Variants in TMEM168 observed in about 807,000 individuals in gnomAD.
The protein encoded by TMEM168 is transmembrane protein 168.
In TMEM168, 40 loss-of-function variants were observed where a neutral mutation model predicts 53.2. The ratio of observed to expected loss-of-function variants is 0.75; its 90% CI spans 0.58 to 0.98. The LOEUF is 0.98. Ranked by LOEUF, TMEM168 falls within the 50% of genes least tolerant of loss-of-function variation. The pLI is 0.00. For missense variants in TMEM168, 771 were observed against 828.8 expected, an observed-to-expected ratio of 0.93 and a Z score of 0.86; for synonymous variants, 282 against 293.0, an observed-to-expected ratio of 0.96 and a Z score of 0.38.
rs931504002 is a variant in TMEM168, at chr7:112,765,385, A to G, written c.*1812T>C. Reference sequence around the variant, plus strand: ...GTACCACCTTAATACTACCTTATAAAGAATGCAGAATATACTTTTGTATTT... The same window carrying G: ...GTACCACCTTAATACTACCTTATAAGGAATGCAGAATATACTTTTGTATTT... On this transcript the variant is annotated 3_prime_UTR_variant, in exon 5 of 5. Transcript: ENST00000312814. 1 of 152,206 alleles carries G rather than the reference A, an allele frequency of 6.6e-6. No individual in the cohort carries two copies. Among genetic ancestry groups the G allele is most frequent in the Non-Finnish European group, 1.5e-5 (1 of 68,024 alleles). The allele number at this position is 152,206 out of a possible 1,614,324, so 9.4% of individuals were successfully genotyped here.
intron 3 of TMEM168, 36 bp from the exon 4 acceptor site, chr7:112,773,091 A>G (rs1259247152): frequency 1.9e-6 from 3 of 1,547,660 alleles, no homozygotes; most frequent in Non-Finnish European, 1.8e-6. Context: ...TACTCATTCT[A>G]TATCACATTC....
chr7:112,775,672 C>T (rs1793063108), intron 2 of TMEM168, among the ~76,000 whole-genome samples: 1 of 151,150 alleles, frequency 6.6e-6, no homozygotes, highest in Non-Finnish European at 1.5e-5. Context: ...AAACAAATAT[C>T]TTGTTAAAAC....
intron 1 of TMEM168, among the ~76,000 whole-genome samples, chr7:112,786,028 C>T (rs764536925): frequency 3.3e-5 from 5 of 152,106 alleles, no homozygotes; most frequent in Admixed American, 1.3e-4. Context: ...GCCAACATGA[C>T]AAAACCCTGT....
At chr7:112,787,074 A>C (rs1793402375) in intron 1 of TMEM168, among the ~76,000 whole-genome samples, 2 of 152,216 alleles carry the variant, frequency 1.3e-5, no homozygotes, top group African/African-American at 4.8e-5. Flanking sequence ...CTCTCTCTGC[A>C]AACTCTCACT....
At chr7:112,785,514 T>G (rs886782614) in intron 1 of TMEM168, among the ~76,000 whole-genome samples, 3 of 152,236 alleles carry the variant, frequency 2.0e-5, no homozygotes, top group Non-Finnish European at 4.4e-5. Context: ...TTAAAGTTAC[T>G]CAGTCCCTAA....
intron 2 of TMEM168, among the ~76,000 whole-genome samples, chr7:112,779,377 G>C (rs1246996833): frequency 1.3e-5 from 2 of 152,170 alleles, no homozygotes; most frequent in Non-Finnish European, 2.9e-5. Context: ...ATGTCCAGGG[G>C]AAGCCAAAAT....
chr7:112,779,851 T>G (rs1034655253), intron 2 of TMEM168, among the ~76,000 whole-genome samples: 1 of 152,224 alleles, frequency 6.6e-6, no homozygotes, highest in Non-Finnish European at 1.5e-5. Flanking sequence ...ATATACGGCT[T>G]GTTTGTTTAG....
chr7:112,787,499 C>CT (rs1269870687), intron 1 of TMEM168, among the ~76,000 whole-genome samples: 1 of 152,128 alleles, frequency 6.6e-6, no homozygotes, highest in African/African-American at 2.4e-5. Flanking sequence ...CCTGCAACCT[C>CT]TGACTATCGG....
In TMEM168 at chr7:112,763,538, G is replaced by A. The variant is rs777686814; in HGVS notation, c.*3659C>T. 3.3e-5 allele frequency: 5 copies of A among 152,024 alleles called. No homozygotes were observed. The highest frequency in any genetic ancestry group is 7.4e-5 in the Non-Finnish European group (5 of 67,988). 9.4% of individuals were successfully genotyped at this position (152,024 alleles called of 1,614,324 possible). Reference sequence around the variant, plus strand: ...ATAGTTTCCAATACAGGAGACATTCGAAAGTACTGACAGATCTAACTCCTT... The same window carrying A: ...ATAGTTTCCAATACAGGAGACATTCAAAAGTACTGACAGATCTAACTCCTT... On this transcript the variant is annotated 3_prime_UTR_variant, in exon 5 of 5. Coordinates refer to ENST00000312814, the MANE Select transcript of TMEM168 (RefSeq NM_022484.6).
intron 2 of TMEM168, 42 bp from the exon 3 acceptor site, chr7:112,775,360 ATGTG>A: frequency 1.3e-6 from 2 of 1,534,754 alleles, no homozygotes; most frequent in Non-Finnish European, 1.8e-6. Flanking sequence ...ACATGTACAT[ATGTG>A]TATATATTTA....
intron 2 of TMEM168, among the ~76,000 whole-genome samples, chr7:112,776,345 A>G (rs1036258407): frequency 6.6e-6 from 1 of 151,478 alleles, no homozygotes; most frequent in Non-Finnish European, 1.5e-5. Context: ...GAAAAAGCAG[A>G]AAAAATTAAG....
At chr7:112,774,359 ATTTTTT>A (rs558123531) in intron 3 of TMEM168, among the ~76,000 whole-genome samples, 1 of 94,254 alleles carries the variant, frequency 1.1e-5, no homozygotes, top group Non-Finnish European at 2.2e-5. Flanking sequence ...GTGTTTTTAC[ATTTTTT>A]TTTTTTTTTT....
chr7:112,766,938 C>G lies in TMEM168; in HGVS notation c.*259G>C, dbSNP rs1214843913. 9.5e-6 allele frequency: 4 copies of G among 421,882 alleles called. No individual in the cohort carries two copies. The highest frequency in any genetic ancestry group is 1.7e-5 in the Non-Finnish European group (4 of 237,108). 26.1% of individuals were successfully genotyped at this position (421,882 alleles called of 1,614,324 possible). On this transcript the variant is annotated 3_prime_UTR_variant, in exon 5 of 5. Transcript: ENST00000312814. ...CTTTCTAATCAGGACCATAAGCAAA[C>G]ATTCCTGAAAGTGCAGTGTTATTTT...
rs776588881 is a variant in TMEM168 at position 112,784,737 on chromosome 7, T to C, written c.89A>G (p.His30Arg). The change falls in exon 2 of 5, where the codon CAT (histidine) becomes CGT (arginine). Residue 30 changes from histidine (H) to arginine (R), a missense_variant. Coordinates refer to ENST00000312814, the MANE Select transcript of TMEM168 (RefSeq NM_022484.6). ...ATAGCCAAGATACCGCACTGAAGAA[T>C]GCATGTTCACTTCTCTATTTACTTC... is the stretch of plus-strand genomic sequence containing the variant. Reference protein sequence around the residue: ...LEEVNREVNMHSSVRYLGYLA... With the variant: ...LEEVNREVNMRSSVRYLGYLA... 1.2e-6 allele frequency: 2 copies of C among 1,613,762 alleles called. No homozygotes were observed. Among genetic ancestry groups the C allele is most frequent in the Non-Finnish European group, 1.7e-6 (2 of 1,179,944 alleles).
intron 3 of TMEM168, 106 bp downstream of exon 3, chr7:112,775,070 T>C (rs1793039493): frequency 2.1e-6 from 2 of 950,052 alleles, no homozygotes; most frequent in Non-Finnish European, 2.8e-6. Context: ...ATGCACAAGT[T>C]ATATTTTGAA....
At chr7:112,783,146 T>C (rs1306447238) in intron 2 of TMEM168, among the ~76,000 whole-genome samples, 1 of 152,246 alleles carries the variant, frequency 6.6e-6, no homozygotes, top group Non-Finnish European at 1.5e-5. Flanking sequence ...GTGAAACCCA[T>C]GTTTTCTTTC....
rs1470582936 is a variant in TMEM168, at chr7:112,767,378, T to G, written c.1913A>C (p.His638Pro). ...AATACGAGGAAAGTGTAACATCCAG[T>G]GCTTGGCCACATCGCTTCCCGTTGG... ...HLPTGSDVAK[H>P]WMLHFPRITY... is the part of the protein sequence containing the mutation. The change falls in exon 5 of 5, where the codon CAC becomes CCC. Residue 638 changes from histidine to proline, a missense_variant. By Grantham distance (77) the His-to-Pro change is moderately conservative. Coordinates refer to ENST00000312814, the MANE Select transcript of TMEM168 (RefSeq NM_022484.6). 1 of 1,614,204 alleles carries G rather than the reference T, an allele frequency of 6.2e-7. No homozygotes were observed. Among genetic ancestry groups the G allele is most frequent in the East Asian group, 2.2e-5 (1 of 44,882 alleles).
At position 112,783,711 on chromosome 7, in the gene TMEM168, G is replaced by C; in HGVS notation, c.1115C>G (p.Ala372Gly). Reference sequence around the variant, plus strand: ...CAATAAGCTTACCTGCCAGGAAACTGCTCCCAAAATCGCTGTTGCAAGAAG... The same window carrying C: ...CAATAAGCTTACCTGCCAGGAAACTCCTCCCAAAATCGCTGTTGCAAGAAG... ...FSLLATAILG[A>G]VSWQPTNGIF... Residue 372 changes from alanine to glycine, a missense_variant, in exon 2 of 5, where the codon GCA becomes GGA. Ala to Gly is a moderately conservative substitution (Grantham distance 60). Transcript: ENST00000312814. The C allele has an allele frequency of 2.7e-6, 4 of 1,498,984 alleles. No homozygotes were observed. Among genetic ancestry groups the C allele is most frequent in the Middle Eastern group, 1.8e-4 (1 of 5,556 alleles). 92.9% of individuals were successfully genotyped at this position (1,498,984 alleles called of 1,614,324 possible). A position where few individuals can be genotyped will look rare whatever the true frequency, so the allele number is the denominator to read the frequency against.
Position 112,762,863 on chromosome 7 carries a change from A to G in TMEM168, c.*4334T>C, listed in dbSNP as rs138732802. The G allele has an allele frequency of 3.7e-3, 558 of 152,200 alleles. 2 individuals carry two copies. Among genetic ancestry groups the G allele is most frequent in the African/African-American group, 0.013 (528 of 41,566 alleles). 9.4% of individuals were successfully genotyped at this position (152,200 alleles called of 1,614,324 possible). A position where few individuals can be genotyped will look rare whatever the true frequency, so the allele number is the denominator to read the frequency against. On this transcript the variant is annotated 3_prime_UTR_variant, in exon 5 of 5. Transcript: ENST00000312814. ...TTTTATATTGTTTCTATGTGTTATA[A>G]TTAGTGAATAGGTAAGACAATATAA...
Sources: gnomAD v4.1 joint callset for allele counts (sites outside exome capture counted in the v4.1 genomes callset) on GRCh38, gnomAD v4.1.1 for gene constraint, MANE v1.5 for transcripts, NCBI Gene and HGNC (gene_info 2026-07-23, HGNC 2026-07-21) for gene names.